B3GALT1: variants seen among roughly 807,000 people sequenced by gnomAD.
B3GALT1 encodes UDP-Gal:betaGlcNAc beta 1,3-galactosyltransferase, polypeptide 1.
A neutral mutation model predicts 23.2 loss-of-function variants in B3GALT1; 10 were observed. The observed-to-expected ratio is 0.43, with a 90% CI of 0.27 to 0.73. B3GALT1 has a LOEUF of 0.73. Ranked by LOEUF, B3GALT1 falls within the 30% of genes least tolerant of loss-of-function variation. The pLI is 0.21. For synonymous variants in B3GALT1, 156 were observed against 141.5 expected (o/e 1.10, Z -0.73); for missense variants, 299 against 405.4 (o/e 0.74, Z 2.25).
At chr2:167,433,533 A>G (rs1306562528) in intron 1 of B3GALT1, among the ~76,000 whole-genome samples, 1 of 152,216 alleles carries the variant, frequency 6.6e-6, no homozygotes, top group Non-Finnish European at 1.5e-5. Context: ...GGATTATTAA[A>G]ATGGAGCCCT....
intron 1 of B3GALT1, among the ~76,000 whole-genome samples, chr2:167,455,322 T>A (rs1699150971): frequency 6.6e-6 from 1 of 152,186 alleles, no homozygotes; most frequent in Admixed American, 6.5e-5. Context: ...TAAAAAATCT[T>A]ATGAAAAAGA....
rs769938172 is a variant in B3GALT1, at chr2:167,869,111, T to A, written c.72T>A (p.Ser24Arg). ...VCWASALWYLSITRPTSSYTG... is the reference protein window; with the variant it reads ...VCWASALWYLRITRPTSSYTG... ...GGGCCAGCGCTCTCTGGTACTTGAG[T>A]ATAACTCGCCCTACTTCTTCTTACA... The change falls in exon 5 of 5, where the codon AGT becomes AGA. Residue 24 changes from serine to arginine, a missense_variant. Transcript: ENST00000392690. This position sits in a 1 kb window ranked among gnomAD's most constrained non-coding sequence, Gnocchi z 6.4. 6.2e-7 allele frequency: 1 copy of A among 1,614,170 alleles called. No homozygotes were observed. The highest frequency in any genetic ancestry group is 8.5e-7 in the Non-Finnish European group (1 of 1,180,028).
intron 3 of B3GALT1, among the ~76,000 whole-genome samples, chr2:167,654,119 C>A (rs1471297661): frequency 6.6e-6 from 1 of 152,158 alleles, no homozygotes; most frequent in Non-Finnish European, 1.5e-5. Flanking sequence ...GCGCTTATTA[C>A]ACCTTGGGCA....
chr2:167,857,207 G>T (rs949633538), intron 4 of B3GALT1, among the ~76,000 whole-genome samples: 5 of 152,042 alleles, frequency 3.3e-5, no homozygotes, highest in African/African-American at 1.2e-4. Context: ...AAAAATACAG[G>T]TGATGGACAG....
chr2:167,591,679 G>C (rs1380208340), intron 2 of B3GALT1, among the ~76,000 whole-genome samples: 1 of 152,054 alleles, frequency 6.6e-6, no homozygotes, highest in African/African-American at 2.4e-5. Context: ...ACACTATGTT[G>C]CCCTGGCTGG....
chr2:167,560,694 C>A (rs1380203266), intron 2 of B3GALT1, among the ~76,000 whole-genome samples: 3 of 151,642 alleles, frequency 2.0e-5, no homozygotes, highest in Non-Finnish European at 4.4e-5. Flanking sequence ...CAACAAAGAT[C>A]AAAAGAGACA....
chr2:167,597,704 C>T (rs1213005796), intron 2 of B3GALT1, among the ~76,000 whole-genome samples: 1 of 152,168 alleles, frequency 6.6e-6, no homozygotes, highest in East Asian at 1.9e-4. Flanking sequence ...GGTTTTCTCA[C>T]TTTCTTCAGA....
intron 1 of B3GALT1, among the ~76,000 whole-genome samples, chr2:167,355,985 T>C (rs1360107382): frequency 6.6e-6 from 1 of 152,202 alleles, no homozygotes. Flanking sequence ...AGATGATTCA[T>C]ACAGTTTCCT....
At chr2:167,699,880 T>C (rs1686851491) in intron 3 of B3GALT1, among the ~76,000 whole-genome samples, 1 of 152,106 alleles carries the variant, frequency 6.6e-6, no homozygotes, top group Admixed American at 6.6e-5. Flanking sequence ...ACCTGGCTAA[T>C]TTTTGCATTT....
chr2:167,844,502 T>G (rs1001607809), intron 4 of B3GALT1, among the ~76,000 whole-genome samples: 3 of 152,272 alleles, frequency 2.0e-5, no homozygotes, highest in African/African-American at 7.2e-5. Flanking sequence ...AAGGTCTGTT[T>G]GCAGGAGAAG....
rs1489289994 is a variant in B3GALT1 at position 167,667,945 on chromosome 2, G to A, written c.-352+20979G>A. On this transcript the variant is annotated intron_variant, in intron 3 of 4. Transcript: ENST00000392690. The stretch of plus-strand genomic sequence containing the variant: ...GATCTTCTGAAGCCTTCTTCTCTCA[G>A]CTTGTCAAAGTCATTCTCCGTCCAG... 3.3e-5 allele frequency among the ~76,000 whole-genome samples: 5 copies of A among 152,178 alleles called. No homozygotes were observed. In the East Asian group the frequency reaches 5.8e-4, roughly 18 times the overall value.
At chr2:167,770,473 G>A (rs1688054754) in intron 3 of B3GALT1, among the ~76,000 whole-genome samples, 1 of 152,112 alleles carries the variant, frequency 6.6e-6, no homozygotes, top group Non-Finnish European at 1.5e-5. Flanking sequence ...TAATTAGGTT[G>A]TTTATTGTTC....
chr2:167,654,919 CTG>C (rs1174708496), intron 3 of B3GALT1, among the ~76,000 whole-genome samples: 1 of 151,456 alleles, frequency 6.6e-6, no homozygotes, highest in East Asian at 1.9e-4. Flanking sequence ...TAGTTAGTGT[CTG>C]TAATTATCTG....
At chr2:167,443,242 T>G (rs1165603718) in intron 1 of B3GALT1, among the ~76,000 whole-genome samples, 2 of 152,136 alleles carry the variant, frequency 1.3e-5, no homozygotes, top group African/African-American at 4.8e-5. Context: ...ATATCTCTGT[T>G]TTGGTACCAG....
chr2:167,714,511 T>G, intron 3 of B3GALT1: 1 of 1,611,248 alleles, frequency 6.2e-7, no homozygotes, highest in African/African-American at 1.3e-5. Flanking sequence ...AGGGACCATA[T>G]GGCGAACGCT....
chr2:167,320,171 T>A (rs1188260846), intron 1 of B3GALT1, among the ~76,000 whole-genome samples: 3 of 151,284 alleles, frequency 2.0e-5, no homozygotes, highest in Non-Finnish European at 4.4e-5. Flanking sequence ...TTCAACATCC[T>A]GAGCTCCTGA....
At chr2:167,517,704 A>T (rs1032137712) in intron 2 of B3GALT1, among the ~76,000 whole-genome samples, 1 of 152,066 alleles carries the variant, frequency 6.6e-6, no homozygotes, top group African/African-American at 2.4e-5. Flanking sequence ...GAAACTTTAA[A>T]CTAGCTTTGT....
At chr2:167,674,468 C>A (rs532885930) in intron 3 of B3GALT1, among the ~76,000 whole-genome samples, 3 of 152,230 alleles carry the variant, frequency 2.0e-5, no homozygotes, top group Non-Finnish European at 4.4e-5. Context: ...TGGCTAGTTA[C>A]AAGGCAAGGG....
intron 1 of B3GALT1, among the ~76,000 whole-genome samples, chr2:167,378,020 A>G (rs1454706960): frequency 6.6e-6 from 1 of 152,306 alleles, no homozygotes; most frequent in East Asian, 1.9e-4. Flanking sequence ...GTATGTTGGT[A>G]ATAAATACTG....
Sources: allele counts gnomAD v4.1 joint callset (sites outside exome capture counted in the v4.1 genomes callset), GRCh38; gene constraint gnomAD v4.1.1; non-coding constraint Gnocchi (gnomAD v3.1); transcripts MANE v1.5; gene names NCBI Gene and HGNC (gene_info 2026-07-23, HGNC 2026-07-21).